Variants in PDE5A observed in about 807,000 individuals in gnomAD.
The protein encoded by PDE5A is cGMP-specific 3',5'-cyclic phosphodiesterase.
In PDE5A, 67 loss-of-function variants were observed where a neutral mutation model predicts 110.2. The observed-to-expected ratio is 0.61, with a 90% CI of 0.50 to 0.75. The LOEUF (loss-of-function observed/expected upper bound fraction) is 0.75. Ranked by LOEUF, PDE5A falls within the 30% of genes least tolerant of loss-of-function variation. The pLI is 0.00. For synonymous variants in PDE5A, 328 were observed against 351.2 expected (o/e 0.93, Z 0.74); for missense variants, 862 against 1,045.1 (o/e 0.82, Z 2.42).
chr4:119,512,484 GAGTT>G (rs1177005871), intron 14 of PDE5A: 3 of 152,126 alleles, frequency 2.0e-5, no homozygotes, highest in South Asian at 4.1e-4. Context: ...GAGACTATGG[GAGTT>G]AGTTAGGAGA....
At chr4:119,560,213 C>A in intron 7 of PDE5A, 83 bp downstream of exon 7, 1 of 773,470 alleles carries the variant, frequency 1.3e-6, no homozygotes, top group Non-Finnish European at 2.1e-6. Context: ...GCTTATATTT[C>A]TTAAATCAAA....
intron 3 of PDE5A, among the ~76,000 whole-genome samples, chr4:119,591,683 TTTATA>T (rs1434936325): frequency 1.3e-5 from 2 of 152,212 alleles, no homozygotes; most frequent in East Asian, 1.9e-4. Flanking sequence ...CAAATTACTT[TTTATA>T]TTATAACAGC....
chr4:119,560,235 A>G, intron 7 of PDE5A, 61 bp downstream of exon 7: 4 of 925,244 alleles, frequency 4.3e-6, no homozygotes, highest in Admixed American at 4.9e-5. Flanking sequence ...TGGTCATGAA[A>G]TAACTATTTA....
intron 14 of PDE5A, among the ~76,000 whole-genome samples, chr4:119,515,584 T>C (rs1053764650): frequency 6.6e-6 from 1 of 151,994 alleles, no homozygotes; most frequent in African/African-American, 2.4e-5. Context: ...TTGCCAACCC[T>C]CTCTCTCAGT....
At position 119,628,771 on chromosome 4, in the gene PDE5A, C is replaced by A. The variant is rs181002645; in HGVS notation, c.-100G>T. The A allele has an allele frequency of 3.5e-5, 53 of 1,505,078 alleles. No individual in the cohort carries two copies. Among genetic ancestry groups the A allele is most frequent in the Middle Eastern group, 3.4e-4 (2 of 5,928 alleles). The allele number at this position is 1,505,078 out of a possible 1,614,324, so 93.2% of individuals were successfully genotyped here. On this transcript the variant is annotated 5_prime_UTR_variant, in exon 1 of 21. Coordinates refer to ENST00000354960, the MANE Select transcript of PDE5A (RefSeq NM_001083.4). Reference sequence around the variant, plus strand: ...CAGGACTCGGCCTCGAGACCCTCCCCCTTCGTCCTGCTCCAGTCGGGCCGG... The same window carrying A: ...CAGGACTCGGCCTCGAGACCCTCCCACTTCGTCCTGCTCCAGTCGGGCCGG...
chr4:119,513,527 A>G (rs764018998), intron 14 of PDE5A, among the ~76,000 whole-genome samples: 1 of 152,030 alleles, frequency 6.6e-6, no homozygotes, highest in Admixed American at 6.6e-5. Flanking sequence ...ACTGACTTTC[A>G]TCTCAGGTTG....
At chr4:119,570,564 A>C (rs1201241942) in intron 3 of PDE5A, among the ~76,000 whole-genome samples, 1 of 152,218 alleles carries the variant, frequency 6.6e-6, no homozygotes. Context: ...TGCAAAGGCC[A>C]AGACTTGACT....
intron 10 of PDE5A, 73 bp from the exon 11 acceptor site, chr4:119,539,092 G>A: frequency 2.7e-6 from 3 of 1,111,654 alleles, no homozygotes; most frequent in Non-Finnish European, 2.8e-6. Context: ...TTCAAGCTTG[G>A]AATTCTGCTA....
In PDE5A at chr4:119,498,706, A is replaced by G. The variant is rs777574814; in HGVS notation, c.2523T>C (p.Pro841=). ...ALTHVSEDCF[P]LLDGCRKNRQ... ...TGTTCTTTCTGCAGCCATCTAGCAA[A>G]GGGAAACAGTCCTCTGACACGTGGG... Residue 841 remains proline, a synonymous_variant, in exon 21 of 21, where the codon CCT becomes CCC. Transcript: ENST00000354960. 5.6e-6 allele frequency: 9 copies of G among 1,613,828 alleles called. No homozygotes were observed. In the African/African-American group the frequency reaches 1.1e-4, roughly 19 times the overall value.
chr4:119,612,584 A>G (rs1729795424), intron 1 of PDE5A, among the ~76,000 whole-genome samples: 1 of 152,192 alleles, frequency 6.6e-6, no homozygotes. Flanking sequence ...TTCTTTATAA[A>G]TTACCCAGCC....
chr4:119,553,594 G>A (rs1190545266), intron 8 of PDE5A, 44 bp downstream of exon 8: 2 of 937,088 alleles, frequency 2.1e-6, no homozygotes, highest in African/African-American at 1.6e-5. Flanking sequence ...AGATGTGATG[G>A]GAAAACAGCC....
intron 2 of PDE5A, among the ~76,000 whole-genome samples, chr4:119,601,987 G>C (rs188590698): frequency 0.018 from 2,680 of 152,172 alleles, 29 homozygotes; most frequent in Non-Finnish European, 0.028. Flanking sequence ...AGACTAAACA[G>C]ACATTACAAC....
At chr4:119,604,151 A>G (rs1020846875) in intron 2 of PDE5A, among the ~76,000 whole-genome samples, 1 of 152,238 alleles carries the variant, frequency 6.6e-6, no homozygotes, top group Non-Finnish European at 1.5e-5. Flanking sequence ...AAGTAGCAAC[A>G]TGACAAATCC....
intron 3 of PDE5A, among the ~76,000 whole-genome samples, chr4:119,595,577 C>G (rs1472096482): frequency 6.6e-6 from 1 of 152,184 alleles, no homozygotes; most frequent in African/African-American, 2.4e-5. Flanking sequence ...ATATTGCTCT[C>G]TCTTCGGAAG....
intron 9 of PDE5A, chr4:119,550,046 C>T (rs893510768): frequency 6.6e-6 from 1 of 152,082 alleles, no homozygotes; most frequent in African/African-American, 2.4e-5. Flanking sequence ...ACAAATTATC[C>T]ACAACCATGA....
chr4:119,577,291 A>G (rs979758876), intron 3 of PDE5A, among the ~76,000 whole-genome samples: 6 of 152,208 alleles, frequency 3.9e-5, no homozygotes, highest in African/African-American at 1.4e-4. Flanking sequence ...TTCTGAAACC[A>G]TTCCAAACAA....
At chr4:119,569,491 A>G (rs1481095802) in intron 3 of PDE5A, among the ~76,000 whole-genome samples, 1 of 150,640 alleles carries the variant, frequency 6.6e-6, no homozygotes, top group Admixed American at 6.6e-5. Context: ...ATTTGTACCA[A>G]TAAATAAAGA....
intron 3 of PDE5A, among the ~76,000 whole-genome samples, chr4:119,595,611 C>A (rs1226072401): frequency 6.6e-6 from 1 of 152,144 alleles, no homozygotes; most frequent in Non-Finnish European, 1.5e-5. Flanking sequence ...CTTCTCCCTC[C>A]TCTGAGACAA....
intron 19 of PDE5A, among the ~76,000 whole-genome samples, chr4:119,501,684 AAAAG>A (rs1397983423): frequency 6.6e-6 from 1 of 150,608 alleles, no homozygotes; most frequent in African/African-American, 2.5e-5. Flanking sequence ...CAAAAAGAAA[AAAAG>A]AGGAAAACTC....
Sources: allele counts gnomAD v4.1 joint callset (sites outside exome capture counted in the v4.1 genomes callset), GRCh38; gene constraint gnomAD v4.1.1; transcripts MANE v1.5; gene names NCBI Gene and HGNC (gene_info 2026-07-23, HGNC 2026-07-21).